The following TTBK1 variants were observed in gnomAD, a reference collection of about 807,000 sequenced individuals.
TTBK1 encodes the protein tau tubulin kinase 1, also known as tau-tubulin kinase 1.
A neutral mutation model predicts 108.5 loss-of-function variants in TTBK1; 34 were observed. The ratio of observed to expected loss-of-function variants is 0.31; its 90% CI spans 0.24 to 0.42. The LOEUF (loss-of-function observed/expected upper bound fraction) is 0.42, where lower values mean the gene tolerates loss of function less well. Ranked by LOEUF, TTBK1 falls within the 10% of genes least tolerant of loss-of-function variation. The pLI, the probability that TTBK1 is intolerant of heterozygous loss-of-function variation, is 1.00. For missense variants in TTBK1, 1,539 were observed against 1,826.0 expected (o/e 0.84, Z 2.86); for synonymous variants, 809 against 795.1 (o/e 1.02, Z -0.29).
intron 13 of TTBK1, among the ~76,000 whole-genome samples, chr6:43,266,597 C>T (rs927355857): frequency 7.2e-5 from 11 of 152,040 alleles, no homozygotes; most frequent in African/African-American, 1.4e-4. Flanking sequence ...TGAGCCATTC[C>T]GTCTGAGGTC....
chr6:43,254,022 GGAGGGATC>G (rs1219487148), intron 5 of TTBK1, among the ~76,000 whole-genome samples: 6 of 152,226 alleles, frequency 3.9e-5, no homozygotes, highest in Non-Finnish European at 8.8e-5. Context: ...GGGAAAGGAT[GGAGGGATC>G]GAGGGAAGGG....
chr6:43,264,435 G>C (rs1777625450), intron 13 of TTBK1, among the ~76,000 whole-genome samples: 1 of 152,106 alleles, frequency 6.6e-6, no homozygotes, highest in African/African-American at 2.4e-5. Flanking sequence ...GGAATCTAAG[G>C]GATGTCCACG....
intron 10 of TTBK1, among the ~76,000 whole-genome samples, chr6:43,258,190 G>A (rs1777428734): frequency 6.6e-6 from 1 of 152,122 alleles, no homozygotes; most frequent in Non-Finnish European, 1.5e-5. Context: ...GTGGGTCCCT[G>A]GGGGAGCAGG....
Position 43,284,155 on chromosome 6 carries a change from G to T in TTBK1, c.3415G>T (p.Ala1139Ser). The change falls in exon 14 of 15, where the codon GCA becomes TCA. Residue 1139 changes from alanine to serine, a missense_variant. Physicochemically the swap from Ala to Ser is moderately conservative, Grantham distance 99. Around this residue, in one of 5 missense-constraint regions of TTBK1, gnomAD observed 1,055 missense variants for 1,086.5 expected, o/e 0.97. Coordinates refer to ENST00000259750, the MANE Select transcript of TTBK1 (RefSeq NM_032538.3). Reference sequence around the variant, plus strand: ...GGAGGACACGCCCGCCTCTGAGCCGGCAGCGGCCTTGCCCAGGAAGAGCGG... The same window carrying T: ...GGAGGACACGCCCGCCTCTGAGCCGTCAGCGGCCTTGCCCAGGAAGAGCGG... ...SEEDTPASEP[A>S]AALPRKSGRA... 1 of 1,548,910 alleles carries T rather than the reference G, an allele frequency of 6.5e-7. No homozygotes were observed. Among genetic ancestry groups the T allele is most frequent in the Admixed American group, 1.9e-5 (1 of 52,260 alleles).
chr6:43,257,286 C>A lies in TTBK1; in HGVS notation c.862-526C>A, dbSNP rs1264234184. On this transcript the variant is annotated intron_variant, in intron 9 of 14. Coordinates refer to ENST00000259750, the MANE Select transcript of TTBK1 (RefSeq NM_032538.3). This position sits in a 1 kb window ranked among gnomAD's most constrained non-coding sequence, Gnocchi z 4.5. ...GCTGCGAGCACCCCCCAGGCTGGGG[C>A]CCTGTGCTGGCTGCTAGGGATGCAG... Among the ~76,000 whole-genome samples the A allele has an allele frequency of 6.6e-6, 1 of 152,242 alleles. No individual in the cohort carries two copies. The highest frequency in any genetic ancestry group is 2.4e-5 in the African/African-American group (1 of 41,466).
Position 43,263,097 on chromosome 6 carries a change from C to A in TTBK1, c.1733C>A (p.Pro578His). The part of the protein sequence containing the change: ...DEEPEELRPL[P>H]EEGEERRRLG... ...GAGCCCGAGGAGCTGCGGCCACTGC[C>A]CGAGGAGGGCGAAGAGCGGCGGCGG... Residue 578 changes from proline (P) to histidine (H), a missense_variant, in exon 13 of 15, where the codon CCC becomes CAC. This residue lies in a region of TTBK1 where 1,055 missense variants were observed against 1,086.5 expected (regional missense o/e 0.97). Transcript: ENST00000259750. This position sits in a 1 kb window ranked among gnomAD's most constrained non-coding sequence, Gnocchi z 4.7. 1 of 1,569,738 alleles carries A rather than the reference C, an allele frequency of 6.4e-7. No individual in the cohort carries two copies. The highest frequency in any genetic ancestry group is 8.6e-7 in the Non-Finnish European group (1 of 1,157,086).
rs1777303970 is a variant in TTBK1 at position 43,253,509 on chromosome 6, G to T, written c.331-59G>T. On this transcript the variant is annotated intron_variant, in intron 4 of 14. Coordinates refer to ENST00000259750, the MANE Select transcript of TTBK1 (RefSeq NM_032538.3). The surrounding 1 kb of genome is among the most constrained non-coding windows in gnomAD (Gnocchi z 5.8). ...GTGAGGCTGGGAAGAGTATCACAAT[G>T]ATGGTGTCTGGGATGATGGCTGAGG... The T allele has an allele frequency of 6.9e-6, 11 of 1,587,418 alleles. No homozygotes were observed. The highest frequency in any genetic ancestry group is 9.4e-6 in the Non-Finnish European group (11 of 1,166,732).
At chr6:43,280,956 T>C (rs1778140656) in intron 13 of TTBK1, among the ~76,000 whole-genome samples, 2 of 152,058 alleles carry the variant, frequency 1.3e-5, no homozygotes, top group South Asian at 4.1e-4. Context: ...TCTGGAAGCA[T>C]CGGAATGCGT....
Position 43,255,833 on chromosome 6 carries a change from T to C in TTBK1, c.838T>C (p.Tyr280His). Residue 280 changes from tyrosine (Y) to histidine (H), a missense_variant, in exon 9 of 15, where the codon TAC (tyrosine) becomes CAC (histidine). Around this residue, in one of 5 missense-constraint regions of TTBK1, gnomAD observed 155 missense variants for 348.5 expected, o/e 0.44. Coordinates refer to ENST00000259750, the MANE Select transcript of TTBK1 (RefSeq NM_032538.3). ...LFLDHIASLD[Y>H]FTKPDYQLIM... ...CCTGGACCACATTGCCAGCCTCGAC[T>C]ACTTCACCAAGCCCGACTACCAGGT... The C allele has an allele frequency of 6.2e-7, 1 of 1,614,106 alleles. No homozygotes were observed. The highest frequency in any genetic ancestry group is 8.5e-7 in the Non-Finnish European group (1 of 1,180,006).
chr6:43,263,457 AGTCACAGGGCT>A lies in TTBK1; in HGVS notation c.1986+110_1986+120del. ...TGGCACTACTGACCAGTAAGCCAGC[AGTCACAGGGCT>A]GTGATGGAGGTAGACAGGCTTAAGG... On this transcript the variant is annotated intron_variant, in intron 13 of 14. Coordinates refer to ENST00000259750, the MANE Select transcript of TTBK1 (RefSeq NM_032538.3). The surrounding 1 kb of genome is among the most constrained non-coding windows in gnomAD (Gnocchi z 4.7). 9.0e-7 allele frequency: 1 copy of A among 1,114,706 alleles called. No individual in the cohort carries two copies. The highest frequency in any genetic ancestry group is 1.2e-6 in the Non-Finnish European group (1 of 824,506). 69.1% of individuals were successfully genotyped at this position (1,114,706 alleles called of 1,614,324 possible). A position where few individuals can be genotyped will look rare whatever the true frequency, so the allele number is the denominator to read the frequency against.
chr6:43,252,668 C>T, intron 2 of TTBK1, 71 bp from the exon 3 acceptor site: 4 of 1,556,660 alleles, frequency 2.6e-6, no homozygotes, highest in Non-Finnish European at 3.5e-6. Context: ...AAGGATGCAA[C>T]CAAGCAGCAG....
intron 10 of TTBK1, among the ~76,000 whole-genome samples, chr6:43,258,834 C>T (rs1004814509): frequency 2.0e-5 from 3 of 152,162 alleles, no homozygotes; most frequent in Admixed American, 6.5e-5. Flanking sequence ...TCCTTGTGGC[C>T]CCTGCCAACT....
rs895320997 is a variant in TTBK1 at position 43,283,995 on chromosome 6, G to A, written c.3255G>A (p.Pro1085=). 1.2e-5 allele frequency: 20 copies of A among 1,602,112 alleles called. No individual in the cohort carries two copies. Among genetic ancestry groups the A allele is most frequent in the African/African-American group, 2.7e-5 (2 of 74,608 alleles). ...AGCGGTGGAGCAAGCGGGCTCGGCC[G>A]CAGCAGGACCTGGCGCGGCTGGTGA... ...AKERWSKRAR[P]QQDLARLVME... is the part of the protein sequence containing the mutation. Residue 1085 remains proline, a synonymous_variant, in exon 14 of 15, where the codon CCG becomes CCA. Transcript: ENST00000259750. The surrounding 1 kb of genome is among the most constrained non-coding windows in gnomAD (Gnocchi z 8.1).
chr6:43,272,752 G>C lies in TTBK1; in HGVS notation c.1986+9402G>C, dbSNP rs938886129. ...GGCAGAGCTTCACATGGTTTGGGTCGAGTTGCTGGTCTCCGGTTCCCAGGC... is the reference window on the plus strand; with the variant it reads ...GGCAGAGCTTCACATGGTTTGGGTCCAGTTGCTGGTCTCCGGTTCCCAGGC... On this transcript the variant is annotated intron_variant, in intron 13 of 14. Transcript: ENST00000259750. 15 of 858,434 alleles carry C rather than the reference G, an allele frequency of 1.7e-5. No homozygotes were observed. In the Admixed American group the frequency reaches 9.3e-4, roughly 53 times the overall value. 53.2% of individuals were successfully genotyped at this position (858,434 alleles called of 1,614,324 possible).
In TTBK1 at chr6:43,263,244, C is replaced by T; in HGVS notation, c.1880C>T (p.Ser627Phe). The T allele has an allele frequency of 6.4e-7, 1 of 1,562,630 alleles. No homozygotes were observed. Among genetic ancestry groups the T allele is most frequent in the East Asian group, 2.4e-5 (1 of 42,542 alleles). The change falls in exon 13 of 15, where the codon TCC (serine) becomes TTC (phenylalanine). Residue 627 changes from serine (S) to phenylalanine (F), a missense_variant. By Grantham distance (155) the Ser-to-Phe change is radical. Transcript: ENST00000259750. The surrounding 1 kb of genome is among the most constrained non-coding windows in gnomAD (Gnocchi z 4.7). The part of the protein sequence containing the change: ...PPQLSQGDGR[S>F]ETSQPPTPGS... ...CAGCTGAGCCAGGGCGATGGCCGTT[C>T]CGAGACGTCACAGCCCCCCACGCCT...
chr6:43,254,342 A>G (rs1777327130), intron 5 of TTBK1, among the ~76,000 whole-genome samples: 1 of 152,228 alleles, frequency 6.6e-6, no homozygotes, highest in South Asian at 2.1e-4. Flanking sequence ...TAGTTTCCTC[A>G]TCTCTAAAAT....
At chr6:43,271,504 C>G (rs1777834126) in intron 13 of TTBK1, 12 of 985,442 alleles carry the variant, frequency 1.2e-5, no homozygotes, top group Non-Finnish European at 1.4e-5. Flanking sequence ...TGTAGCTACT[C>G]TCATCCCAGC....
At chr6:43,247,053 C>G (rs939509843) in intron 2 of TTBK1, among the ~76,000 whole-genome samples, 2 of 152,190 alleles carry the variant, frequency 1.3e-5, no homozygotes, top group African/African-American at 4.8e-5. Context: ...TGGGCAGGAG[C>G]TGCAGAGGCC....
At chr6:43,271,337 C>G in intron 13 of TTBK1, 1 of 985,484 alleles carries the variant, frequency 1.0e-6, no homozygotes, top group Non-Finnish European at 1.2e-6. Flanking sequence ...TGGATGAATG[C>G]TCAGGCTGTG....
Sources: gnomAD v4.1 joint callset for allele counts (sites outside exome capture counted in the v4.1 genomes callset) on GRCh38, gnomAD v4.1.1 for gene constraint, gnomAD v4.1.1 regional missense constraint, Gnocchi (gnomAD v3.1) non-coding constraint, MANE v1.5 for transcripts, NCBI Gene and HGNC (gene_info 2026-07-23, HGNC 2026-07-21) for gene names.